MAP2K5: variants seen among roughly 807,000 people sequenced by gnomAD.
MAP2K5 encodes dual specificity mitogen-activated protein kinase kinase 5.
Under a neutral mutation model 83.1 loss-of-function variants are expected in MAP2K5, and 49 were observed. The observed-to-expected ratio is 0.59, with a 90% CI of 0.47 to 0.75. The LOEUF (loss-of-function observed/expected upper bound fraction) is 0.75, where lower values mean the gene tolerates loss of function less well. Ranked by LOEUF, MAP2K5 falls within the 30% of genes least tolerant of loss-of-function variation. The probability of loss-of-function intolerance (pLI) is 0.00; values close to 1 mark genes in which losing one functional copy is unlikely to be tolerated. For missense variants in MAP2K5, 457 were observed against 557.5 expected, an observed-to-expected ratio of 0.82 and a Z score of 1.82; for synonymous variants, 202 against 191.8, an observed-to-expected ratio of 1.05 and a Z score of -0.44.
At chr15:67,741,121 C>T (rs1401095813) in intron 17 of MAP2K5, among the ~76,000 whole-genome samples, 1 of 152,004 alleles carries the variant, frequency 6.6e-6, no homozygotes, top group South Asian at 2.1e-4. Flanking sequence ...GATCTAAGCC[C>T]GTCAATCCGA....
At chr15:67,626,384 AG>A (rs1351958266) in intron 8 of MAP2K5, among the ~76,000 whole-genome samples, 2 of 152,050 alleles carry the variant, frequency 1.3e-5, no homozygotes, top group Non-Finnish European at 2.9e-5. Context: ...AAAATTAGCC[AG>A]GTGTGGTGGT....
At chr15:67,687,403 C>A (rs7168176) in intron 13 of MAP2K5, among the ~76,000 whole-genome samples, 149,619 of 152,318 alleles carry the variant, frequency 0.98, 73,549 homozygotes, top group Middle Eastern at 1. Context: ...CAGAAAGAAA[C>A]CCCCACTTAG....
intron 8 of MAP2K5, among the ~76,000 whole-genome samples, chr15:67,611,394 C>T (rs922571540): frequency 4.6e-5 from 7 of 152,090 alleles, no homozygotes; most frequent in Admixed American, 4.6e-4. Context: ...TGAGTATTTG[C>T]AGAGCACAAC....
intron 9 of MAP2K5, chr15:67,641,559 A>C (rs2086711316): frequency 6.0e-6 from 6 of 997,510 alleles, no homozygotes; most frequent in Non-Finnish European, 7.2e-6. Context: ...TTGAGCACAG[A>C]GTAAATTATA....
rs371266060 is a variant in MAP2K5, at chr15:67,747,680, G to A, written c.1075-551G>A. On this transcript the variant is annotated intron_variant, in intron 17 of 21. Coordinates refer to ENST00000178640, the MANE Select transcript of MAP2K5 (RefSeq NM_145160.3). This position sits in a 1 kb window ranked among gnomAD's most constrained non-coding sequence, Gnocchi z 4.1. ...AGCATTGCTGCCCTGGAAACAGGCA[G>A]AAGGAACTTTGGAAAAGGTGGAGTT... Among the ~76,000 whole-genome samples, 83 of 152,306 alleles carry A rather than the reference G, an allele frequency of 5.4e-4. 1 individual carries two copies. Among genetic ancestry groups the A allele is most frequent in the Middle Eastern group, 6.8e-3 (2 of 294 alleles).
chr15:67,585,292 A>C (rs982468982), intron 4 of MAP2K5, among the ~76,000 whole-genome samples: 69 of 152,166 alleles, frequency 4.5e-4, no homozygotes, highest in African/African-American at 1.7e-3. Flanking sequence ...CAGGAAATTA[A>C]TATTCTTTTT....
Position 67,783,816 on chromosome 15 carries a change from C to T in MAP2K5, c.1242+11064C>T, listed in dbSNP as rs1025224916. 6.6e-6 allele frequency among the ~76,000 whole-genome samples: 1 copy of T among 152,070 alleles called. No individual in the cohort carries two copies. The highest frequency in any genetic ancestry group is 1.5e-5 in the Non-Finnish European group (1 of 68,000). On this transcript the variant is annotated intron_variant, in intron 21 of 21. Transcript: ENST00000178640. This position sits in a 1 kb window ranked among gnomAD's most constrained non-coding sequence, Gnocchi z 5.1. ...AATGGAGTGACAGGTGAGCTGGGACCCACGGACATTTGGGTATTTATGTGA... is the reference window on the plus strand; with the variant it reads ...AATGGAGTGACAGGTGAGCTGGGACTCACGGACATTTGGGTATTTATGTGA...
At chr15:67,662,466 T>C (rs956352749) in intron 12 of MAP2K5, among the ~76,000 whole-genome samples, 1 of 152,174 alleles carries the variant, frequency 6.6e-6, no homozygotes, top group African/African-American at 2.4e-5. Flanking sequence ...CTTGTAAATC[T>C]TACAGTAAAT....
At chr15:67,754,289 A>G (rs1467652555) in intron 19 of MAP2K5, among the ~76,000 whole-genome samples, 1 of 152,252 alleles carries the variant, frequency 6.6e-6, no homozygotes, top group African/African-American at 2.4e-5. Context: ...GAAAAATAGA[A>G]AGCAAAGAGT....
chr15:67,789,139 T>G (rs2090470264), intron 21 of MAP2K5, among the ~76,000 whole-genome samples: 2 of 152,186 alleles, frequency 1.3e-5, no homozygotes, highest in South Asian at 4.1e-4. Context: ...CACCTTGCTT[T>G]TTTACTTAGT....
At chr15:67,646,335 C>G in intron 10 of MAP2K5, 36 bp downstream of exon 10, 1 of 1,393,402 alleles carries the variant, frequency 7.2e-7, no homozygotes, top group South Asian at 1.2e-5. Flanking sequence ...TAAAGCATGC[C>G]TATGGTATTG....
At chr15:67,554,307 C>T (rs993854786) in intron 2 of MAP2K5, among the ~76,000 whole-genome samples, 2 of 152,178 alleles carry the variant, frequency 1.3e-5, no homozygotes, top group Non-Finnish European at 2.9e-5. Flanking sequence ...AATCCATGCT[C>T]CTCAGCCTCT....
rs1023104172 is a variant in MAP2K5, at chr15:67,802,091, C to T, written c.1243-4555C>T. Among the ~76,000 whole-genome samples, 1 of 152,194 alleles carries T rather than the reference C, an allele frequency of 6.6e-6. No homozygotes were observed. Among genetic ancestry groups the T allele is most frequent in the Non-Finnish European group, 1.5e-5 (1 of 68,032 alleles). ...AAGATGAGCACACCAAGCCCTGCCC[C>T]CTGCCTCCACGTGGGAGGGGCCCGG... On this transcript the variant is annotated intron_variant, in intron 21 of 21. Coordinates refer to ENST00000178640, the MANE Select transcript of MAP2K5 (RefSeq NM_145160.3). The surrounding 1 kb of genome is among the most constrained non-coding windows in gnomAD (Gnocchi z 5.0).
rs1180715440 is a variant in MAP2K5 at position 67,604,411 on chromosome 15, C to G, written c.545+3662C>G. ...AATAAATTCAGGAAAGACACATGTT[C>G]TATTTCCCTCTGAGAGATTCATAAT... On this transcript the variant is annotated intron_variant, in intron 8 of 21. Coordinates refer to ENST00000178640, the MANE Select transcript of MAP2K5 (RefSeq NM_145160.3). Among the ~76,000 whole-genome samples, 160 of 152,210 alleles carry G rather than the reference C, an allele frequency of 1.1e-3. 1 individual carries two copies. The highest frequency in any genetic ancestry group is 5.9e-5 in the Non-Finnish European group (4 of 68,030).
chr15:67,549,293 G>A lies in MAP2K5; in HGVS notation c.136-741G>A, dbSNP rs939447685. 45 of 1,179,104 alleles carry A rather than the reference G, an allele frequency of 3.8e-5. 1 individual carries two copies. In the African/African-American group the frequency reaches 4.8e-4, roughly 13 times the overall value. 73.0% of individuals were successfully genotyped at this position (1,179,104 alleles called of 1,614,324 possible). A position where few individuals can be genotyped will look rare whatever the true frequency, so the allele number is the denominator to read the frequency against. On this transcript the variant is annotated intron_variant, in intron 1 of 21. Coordinates refer to ENST00000178640, the MANE Select transcript of MAP2K5 (RefSeq NM_145160.3). ...AACTTTATAGATTTATTTAAGCATTGATGTCAGATTATATACCCTTTTTAG... is the reference window on the plus strand; with the variant it reads ...AACTTTATAGATTTATTTAAGCATTAATGTCAGATTATATACCCTTTTTAG...
chr15:67,714,384 T>G, intron 16 of MAP2K5, among the ~76,000 whole-genome samples: 1 of 109,902 alleles, frequency 9.1e-6, no homozygotes, highest in Admixed American at 1.4e-4. Flanking sequence ...ACAGAACTCA[T>G]TTTCCCCCCA....
chr15:67,555,534 A>G lies in MAP2K5; in HGVS notation c.184+5452A>G, dbSNP rs2084607265. Among the ~76,000 whole-genome samples the G allele has an allele frequency of 6.6e-6, 1 of 152,190 alleles. No homozygotes were observed. The highest frequency in any genetic ancestry group is 1.5e-5 in the Non-Finnish European group (1 of 68,030). ...AGTTGGAACTACTGAGACAAAGAAT[A>G]CCCATATTTAAATTTCAATATCTAT... On this transcript the variant is annotated intron_variant, in intron 2 of 21. Transcript: ENST00000178640. This position sits in a 1 kb window ranked among gnomAD's most constrained non-coding sequence, Gnocchi z 5.2.
intron 8 of MAP2K5, among the ~76,000 whole-genome samples, chr15:67,609,273 G>C (rs1304681596): frequency 6.6e-6 from 1 of 151,992 alleles, no homozygotes; most frequent in East Asian, 1.9e-4. Context: ...ACTATTCCAA[G>C]CATGTACAGT....
chr15:67,567,683 G>C (rs1447323831), intron 3 of MAP2K5, among the ~76,000 whole-genome samples: 1 of 151,762 alleles, frequency 6.6e-6, no homozygotes, highest in East Asian at 1.9e-4. Context: ...TTTTTAATTA[G>C]AATTTGAAAT....
Sources: gnomAD v4.1 joint callset for allele counts (sites outside exome capture counted in the v4.1 genomes callset) on GRCh38, gnomAD v4.1.1 for gene constraint, Gnocchi (gnomAD v3.1) non-coding constraint, MANE v1.5 for transcripts, NCBI Gene and HGNC (gene_info 2026-07-23, HGNC 2026-07-21) for gene names.